MAPK3: variants seen among roughly 807,000 people sequenced by gnomAD.
The protein encoded by MAPK3 is mitogen-activated protein kinase 3, also known as MAPK 1.
In MAPK3, 30 loss-of-function variants were observed where a neutral mutation model predicts 41.8. That is an observed-to-expected ratio of 0.72 (90% CI 0.54 to 0.97). The LOEUF (loss-of-function observed/expected upper bound fraction) is 0.97. Ranked by LOEUF, MAPK3 falls within the 50% of genes least tolerant of loss-of-function variation. MAPK3 has a pLI of 0.00. For synonymous variants in MAPK3, 222 were observed against 213.4 expected (o/e 1.04, Z -0.35); for missense variants, 413 against 509.9 (o/e 0.81, Z 1.83).
intron 1 of MAPK3, chr16:30,122,627 C>T (rs934277903): frequency 8.2e-5 from 14 of 170,390 alleles, no homozygotes; most frequent in Non-Finnish European, 1.8e-4. Flanking sequence ...CTCCCCCAGG[C>T]TCCCTGGCAC....
In MAPK3 at chr16:30,118,290, C is replaced by T. The variant is rs2151045807; in HGVS notation, c.543+59G>A. ...GTTCTCCTGCCCAAGGCTTCTTCTA[C>T]TGGTCACTGGAAGCCCCAGACCCTG... On this transcript the variant is annotated intron_variant, in intron 3 of 8. Transcript: ENST00000263025. 8.2e-6 allele frequency: 13 copies of T among 1,580,450 alleles called. 1 individual carries two copies. In the South Asian group the frequency reaches 1.5e-4, roughly 18 times the overall value.
At position 30,117,140 on chromosome 16, in the gene MAPK3, C is replaced by T. The variant is rs1267494796; in HGVS notation, c.907+14G>A. On this transcript the variant is annotated intron_variant, in intron 6 of 8. Coordinates refer to ENST00000263025, the MANE Select transcript of MAPK3 (RefSeq NM_002746.3). ...CCAAGGTTTATCCCACACCCACCCT[C>T]ATGTCTCTCGAACCTTTGGAGTCTG... 1.2e-6 allele frequency: 2 copies of T among 1,614,058 alleles called. No individual in the cohort carries two copies. The highest frequency in any genetic ancestry group is 1.3e-5 in the African/African-American group (1 of 75,034).
rs1159202137 is a variant in MAPK3 at position 30,117,660 on chromosome 16, C to T, written c.775+10G>A. Reference sequence around the variant, plus strand: ...ATCATCCCCAACTCAGCCAGCCGGGCCTCCCTCACCCAGAATGTGGTTGAG... The same window carrying T: ...ATCATCCCCAACTCAGCCAGCCGGGTCTCCCTCACCCAGAATGTGGTTGAG... On this transcript the variant is annotated intron_variant, in intron 5 of 8. Transcript: ENST00000263025. 6.2e-7 allele frequency: 1 copy of T among 1,609,116 alleles called. No homozygotes were observed. Among genetic ancestry groups the T allele is most frequent in the Non-Finnish European group, 8.5e-7 (1 of 1,175,536 alleles).
intron 2 of MAPK3, 30 bp from the exon 3 acceptor site, chr16:30,118,568 C>G (rs777140978): frequency 1.3e-6 from 2 of 1,590,380 alleles, no homozygotes; most frequent in Non-Finnish European, 1.7e-6. Context: ...CCCCCCCAGG[C>G]AGGGGGCAGT....
At position 30,117,737 on chromosome 16, in the gene MAPK3, A is replaced by C. The variant is rs1208367685; in HGVS notation, c.708T>G (p.Ala236=). ...IDIWSVGCIL[A]EMLSNRPIFP... Reference sequence around the variant, plus strand: ...AGATGGGCCGGTTAGAGAGCATCTCAGCCAGAATGCAGCCCACAGACCAGA... The same window carrying C: ...AGATGGGCCGGTTAGAGAGCATCTCCGCCAGAATGCAGCCCACAGACCAGA... Residue 236 remains alanine, a synonymous_variant, in exon 5 of 9, where the codon GCT becomes GCG. Transcript: ENST00000263025. The C allele has an allele frequency of 3.7e-6, 6 of 1,614,016 alleles. No individual in the cohort carries two copies. The African/African-American group carries it at 6.7e-5, about 18-fold the overall frequency.
chr16:30,118,315 G>A (rs766152806), intron 3 of MAPK3, 34 bp downstream of exon 3: 2 of 1,599,580 alleles, frequency 1.3e-6, no homozygotes, highest in Admixed American at 3.4e-5. Flanking sequence ...CCCAGACCCT[G>A]GGGGAGGAGG....
At position 30,116,857 on chromosome 16, in the gene MAPK3, C is replaced by T. The variant is rs2072961238; in HGVS notation, c.1017+37G>A. ...GATGCCTACGTGCCCCCCTGCTCCC[C>T]TGCCCCCAGCCCCACTGCTGCTGGG... On this transcript the variant is annotated intron_variant, in intron 7 of 8. Coordinates refer to ENST00000263025, the MANE Select transcript of MAPK3 (RefSeq NM_002746.3). 55 of 1,613,472 alleles carry T rather than the reference C, an allele frequency of 3.4e-5. 1 individual carries two copies. The highest frequency in any genetic ancestry group is 4.7e-5 in the Non-Finnish European group (55 of 1,179,748).
Position 30,118,358 on chromosome 16 carries a change from G to A in MAPK3, c.534C>T (p.Cys178=), listed in dbSNP as rs61736375. 1.8e-5 allele frequency: 29 copies of A among 1,611,564 alleles called. No homozygotes were observed. Among genetic ancestry groups the A allele is most frequent in the South Asian group, 1.3e-4 (12 of 90,818 alleles). The stretch of plus-strand genomic sequence containing the variant: ...TGCCCAACCCTCTGACCTTAAGGTC[G>A]CAGGTGGTGTTGATGAGCAGGTTGG... ...KPSNLLINTT[C]DLKICDFGLA... Residue 178 remains cysteine (C), a synonymous_variant, in exon 3 of 9, where the codon TGC becomes TGT. Transcript: ENST00000263025.
At chr16:30,119,661 C>T (rs2072996493) in intron 2 of MAPK3, among the ~76,000 whole-genome samples, 1 of 152,118 alleles carries the variant, frequency 6.6e-6, no homozygotes, top group South Asian at 2.1e-4. Context: ...AAATGCCTGC[C>T]TTATGGGAAT....
chr16:30,118,324 G>A lies in MAPK3; in HGVS notation c.543+25C>T, dbSNP rs780586164. 13 of 1,603,444 alleles carry A rather than the reference G, an allele frequency of 8.1e-6. No individual in the cohort carries two copies. The African/African-American group carries it at 1.5e-4, about 18-fold the overall frequency. On this transcript the variant is annotated intron_variant, in intron 3 of 8. Coordinates refer to ENST00000263025, the MANE Select transcript of MAPK3 (RefSeq NM_002746.3). ...GGAAGCCCCAGACCCTGGGGGAGGA[G>A]GGGACAGGTGCCCAACCCTCTGACC...
At chr16:30,115,306 A>G (rs1006082802) in intron 8 of MAPK3, among the ~76,000 whole-genome samples, 2 of 152,206 alleles carry the variant, frequency 1.3e-5, no homozygotes, top group Admixed American at 1.3e-4. Flanking sequence ...AATATCACAC[A>G]GCACTTACTA....
At position 30,116,655 on chromosome 16, in the gene MAPK3, ATGTC is replaced by A. The variant is rs779842973; in HGVS notation, c.*9_*12del. ...ACTCACCAGGCCCCAGGGTGCAGAGATGTCTGTCTGGGCTAGGGGGCCTCCAGCA... is the reference window on the plus strand; with the variant it reads ...ACTCACCAGGCCCCAGGGTGCAGAGATGTCTGGGCTAGGGGGCCTCCAGCA... On this transcript the variant is annotated 3_prime_UTR_variant, in exon 8 of 9. Transcript: ENST00000263025. 3 of 1,612,676 alleles carry A rather than the reference ATGTC, an allele frequency of 1.9e-6. No individual in the cohort carries two copies. Among genetic ancestry groups the A allele is most frequent in the East Asian group, 2.2e-5 (1 of 44,864 alleles).
chr16:30,115,098 G>A (rs985137689), intron 8 of MAPK3, among the ~76,000 whole-genome samples: 4 of 151,394 alleles, frequency 2.6e-5, no homozygotes, highest in Admixed American at 1.3e-4. Context: ...AAAATTAGCC[G>A]GTTGCAATGG....
At chr16:30,115,233 A>C (rs2072943774) in intron 8 of MAPK3, among the ~76,000 whole-genome samples, 1 of 151,246 alleles carries the variant, frequency 6.6e-6, no homozygotes, top group African/African-American at 2.4e-5. Flanking sequence ...AAACAAAACC[A>C]AAAAAAAAGA....
At chr16:30,122,326 AG>A in intron 1 of MAPK3, 1 of 414,236 alleles carries the variant, frequency 2.4e-6, no homozygotes, top group South Asian at 2.2e-5. Context: ...CCTTAACCCA[AG>A]ACAGGTCCGG....
At chr16:30,122,156 G>T in intron 1 of MAPK3, 150 bp from the exon 2 acceptor site, 1 of 728,770 alleles carries the variant, frequency 1.4e-6, no homozygotes, top group Non-Finnish European at 2.3e-6. Context: ...CTGCTGTGGA[G>T]GCCTGGGATC....
rs921399991 is a variant in MAPK3 at position 30,118,473 on chromosome 16, T to C, written c.419A>G (p.Asn140Ser). The C allele has an allele frequency of 3.1e-6, 5 of 1,614,040 alleles. No homozygotes were observed. The highest frequency in any genetic ancestry group is 3.3e-5 in the Admixed American group (2 of 60,018). Residue 140 changes from asparagine (N) to serine (S), a missense_variant, in exon 3 of 9, where the codon AAT becomes AGT. Around this residue, in one of 4 missense-constraint regions of MAPK3, gnomAD observed 140 missense variants for 206.0 expected, o/e 0.68. Coordinates refer to ENST00000263025, the MANE Select transcript of MAPK3 (RefSeq NM_002746.3). ...GTAGAGGAAGTAGCAGATATGGTCA[T>C]TGCTCAGCTGCTGGCTTTTCAGCAA... ...YKLLKSQQLSNDHICYFLYQI... is the reference protein window; with the variant it reads ...YKLLKSQQLSSDHICYFLYQI...
rs1271380800 is a variant in MAPK3, at chr16:30,121,809, C to T, written c.353+15G>A. ...GGCCGTGCCTGACCAGCCGACTGGCCAAGGTGAAGGATACACATCTCTCAT... is the reference window on the plus strand; with the variant it reads ...GGCCGTGCCTGACCAGCCGACTGGCTAAGGTGAAGGATACACATCTCTCAT... On this transcript the variant is annotated intron_variant, in intron 2 of 8. Coordinates refer to ENST00000263025, the MANE Select transcript of MAPK3 (RefSeq NM_002746.3). 4 of 1,610,942 alleles carry T rather than the reference C, an allele frequency of 2.5e-6. No individual in the cohort carries two copies. Among genetic ancestry groups the T allele is most frequent in the Non-Finnish European group, 3.4e-6 (4 of 1,177,714 alleles).
intron 4 of MAPK3, 35 bp downstream of exon 4, chr16:30,118,012 G>T (rs371016548): frequency 3.2e-6 from 5 of 1,572,772 alleles, no homozygotes; most frequent in Non-Finnish European, 4.4e-6. Context: ...CTGGGAACTG[G>T]TCCGTTCCTT....
Sources: allele counts gnomAD v4.1 joint callset (sites outside exome capture counted in the v4.1 genomes callset), GRCh38; gene constraint gnomAD v4.1.1; regional missense constraint gnomAD v4.1.1; transcripts MANE v1.5; gene names NCBI Gene and HGNC (gene_info 2026-07-23, HGNC 2026-07-21).